Variants in MAP3K5 observed in about 807,000 individuals in gnomAD.
MAP3K5 encodes mitogen-activated protein kinase kinase kinase 5, also known as ASK-1.
In MAP3K5, 56 loss-of-function variants were observed where a neutral mutation model predicts 158.7. The ratio of observed to expected loss-of-function variants is 0.35; its 90% confidence interval spans 0.28 to 0.44. The LOEUF (loss-of-function observed/expected upper bound fraction) is 0.44, where lower values mean the gene tolerates loss of function less well. Among genes scored for constraint, MAP3K5 ranks in the 20% least tolerant of loss-of-function variants. The probability of loss-of-function intolerance (pLI) is 1.00; values close to 1 mark genes in which losing one functional copy is unlikely to be tolerated. For missense variants in MAP3K5, 1,294 were observed against 1,674.8 expected, an observed-to-expected ratio of 0.77 and a Z score of 3.97; for synonymous variants, 579 against 601.7, an observed-to-expected ratio of 0.96 and a Z score of 0.55.
chr6:136,665,163 A>T (rs1169273256), intron 8 of MAP3K5, among the ~76,000 whole-genome samples: 2 of 152,176 alleles, frequency 1.3e-5, no homozygotes, highest in Non-Finnish European at 2.9e-5. Flanking sequence ...AATTTTTTTT[A>T]AATAAGCATT....
At chr6:136,623,106 A>G (rs1776883945) in intron 14 of MAP3K5, 125 bp from the exon 15 acceptor site, 4 of 808,420 alleles carry the variant, frequency 4.9e-6, no homozygotes, top group African/African-American at 1.7e-5. Context: ...CTGAAGTTCT[A>G]AGAAGCAGCT....
At chr6:136,599,868 G>A (rs1308140391) in intron 21 of MAP3K5, among the ~76,000 whole-genome samples, 1 of 152,168 alleles carries the variant, frequency 6.6e-6, no homozygotes, top group African/African-American at 2.4e-5. Context: ...CTGCAGGGCC[G>A]ACTTTGTGAC....
intron 1 of MAP3K5, among the ~76,000 whole-genome samples, chr6:136,745,231 A>G (rs1782887391): frequency 6.6e-6 from 1 of 150,852 alleles, no homozygotes; most frequent in Non-Finnish European, 1.5e-5. Context: ...TTTAAATTGA[A>G]TAGACGAAGA....
chr6:136,770,400 C>T (rs149166891), intron 1 of MAP3K5, among the ~76,000 whole-genome samples: 3 of 152,216 alleles, frequency 2.0e-5, no homozygotes, highest in East Asian at 3.8e-4. Flanking sequence ...ATATTTCAGA[C>T]CATGCCATGA....
At chr6:136,792,818 G>T (rs1274922570), upstream of MAP3K5, among the ~76,000 whole-genome samples, 1 of 152,130 alleles carries the variant, frequency 6.6e-6, no homozygotes, top group Non-Finnish European at 1.5e-5. The surrounding 1 kb of genome is among the most constrained non-coding windows in gnomAD (Gnocchi z 5.7). Context: ...CGCCAGCCTC[G>T]TCGTTCCTTG....
At chr6:136,703,352 T>A (rs1317806087) in intron 3 of MAP3K5, among the ~76,000 whole-genome samples, 1 of 152,182 alleles carries the variant, frequency 6.6e-6, no homozygotes, top group East Asian at 1.9e-4. Flanking sequence ...AGTGCTACCT[T>A]CTCTGAAGGA....
chr6:136,596,830 G>A (rs1473612106), intron 21 of MAP3K5, among the ~76,000 whole-genome samples: 6 of 152,214 alleles, frequency 3.9e-5, no homozygotes, highest in African/African-American at 7.2e-5. Context: ...GTGAGAATGC[G>A]TAGTGCCTTT....
chr6:136,671,801 T>C (rs2114539034), intron 7 of MAP3K5, among the ~76,000 whole-genome samples: 1 of 151,956 alleles, frequency 6.6e-6, no homozygotes, highest in Middle Eastern at 3.4e-3. Context: ...TTTTTTTTTT[T>C]TTTTAGTAGA....
chr6:136,645,180 G>A (rs776474664), intron 11 of MAP3K5, among the ~76,000 whole-genome samples: 1 of 152,110 alleles, frequency 6.6e-6, no homozygotes, highest in Non-Finnish European at 1.5e-5. Context: ...CAATCCTCCT[G>A]CTCTGGCCTC....
At chr6:136,650,124 T>C (rs1778453168) in intron 11 of MAP3K5, among the ~76,000 whole-genome samples, 1 of 152,240 alleles carries the variant, frequency 6.6e-6, no homozygotes, top group African/African-American at 2.4e-5. Context: ...TGGACACAGC[T>C]GTTTCCCTAG....
chr6:136,600,533 G>C (rs988407512), intron 21 of MAP3K5, among the ~76,000 whole-genome samples: 1 of 151,996 alleles, frequency 6.6e-6, no homozygotes, highest in East Asian at 1.9e-4. Context: ...ATGCTTTAAT[G>C]GATCTTCTTA....
At chr6:136,620,205 G>C (rs959388235) in intron 15 of MAP3K5, among the ~76,000 whole-genome samples, 3 of 152,174 alleles carry the variant, frequency 2.0e-5, no homozygotes, top group Non-Finnish European at 4.4e-5. Context: ...GGGAGGTGGA[G>C]GTTGCAATGA....
At chr6:136,649,803 C>T (rs1778436546) in intron 11 of MAP3K5, among the ~76,000 whole-genome samples, 1 of 152,164 alleles carries the variant, frequency 6.6e-6, no homozygotes, top group Admixed American at 6.5e-5. Flanking sequence ...TGCACTCTAC[C>T]AAATTATTTC....
intron 2 of MAP3K5, among the ~76,000 whole-genome samples, chr6:136,716,817 T>TA (rs1562640532): frequency 1.3e-5 from 2 of 152,280 alleles, no homozygotes; most frequent in African/African-American, 4.8e-5. Flanking sequence ...TCATGAGACT[T>TA]AAAGAAAATT....
At chr6:136,581,793 A>T (rs1287351920) in intron 24 of MAP3K5, among the ~76,000 whole-genome samples, 1 of 152,206 alleles carries the variant, frequency 6.6e-6, no homozygotes, top group Non-Finnish European at 1.5e-5. Context: ...TAAAAAATTT[A>T]CATACTGGCT....
chr6:136,780,373 T>A (rs1784566837), intron 1 of MAP3K5, among the ~76,000 whole-genome samples: 1 of 152,232 alleles, frequency 6.6e-6, no homozygotes, highest in Non-Finnish European at 1.5e-5. Context: ...CAACTTTGCA[T>A]CTATTAGCAA....
chr6:136,585,473 C>CTTTATTTA (rs554195273), intron 23 of MAP3K5, among the ~76,000 whole-genome samples: 3,403 of 135,054 alleles, frequency 0.025, 77 homozygotes, highest in African/African-American at 0.029. Context: ...CTTTTCTTTT[C>CTTTATTTA]TTTATTTATT....
chr6:136,673,586 T>C (rs1017084519), intron 7 of MAP3K5, among the ~76,000 whole-genome samples: 2 of 151,478 alleles, frequency 1.3e-5, no homozygotes, highest in Non-Finnish European at 2.9e-5. Context: ...CACCAAAACA[T>C]ACAATACCTG....
At chr6:136,720,686 A>G in intron 1 of MAP3K5, 97 bp from the exon 2 acceptor site, 1 of 884,146 alleles carries the variant, frequency 1.1e-6, no homozygotes, top group South Asian at 1.9e-5. Context: ...AAAAGAGGAA[A>G]TAAGGAAACG....
Sources: gnomAD v4.1 joint callset for allele counts (sites outside exome capture counted in the v4.1 genomes callset) on GRCh38, gnomAD v4.1.1 for gene constraint, Gnocchi (gnomAD v3.1) non-coding constraint, MANE v1.5 for transcripts, NCBI Gene and HGNC (gene_info 2026-07-23, HGNC 2026-07-21) for gene names.